HTR2C: variants seen among roughly 807,000 people sequenced by gnomAD.
HTR2C encodes the protein 5-hydroxytryptamine receptor 2C, also known as 5-hydroxytryptamine (serotonin) receptor 2C, G protein-coupled.
HTR2C carries 5 observed loss-of-function variants against 21.0 expected under a neutral mutation model. The observed-to-expected ratio is 0.24, with a 90% CI of 0.12 to 0.50. The LOEUF (loss-of-function observed/expected upper bound fraction) is 0.50. Ranked by LOEUF, HTR2C falls within the 20% of genes least tolerant of loss-of-function variation. The probability of loss-of-function intolerance (pLI) is 0.98; values close to 1 mark genes in which losing one functional copy is unlikely to be tolerated. For missense variants in HTR2C, 271 were observed against 371.2 expected (o/e 0.73, Z 2.22); for synonymous variants, 150 against 145.3 (o/e 1.03, Z -0.23).
At chrX:114,798,616 AG>A (rs1287221495) in intron 4 of HTR2C, among the ~76,000 whole-genome samples, 1 of 111,563 alleles carries the variant, frequency 9.0e-6, no homozygotes, top group Non-Finnish European at 1.9e-5. Flanking sequence ...GGCCAGAAGT[AG>A]GTTGCCTACA....
chrX:114,835,693 T>C (rs1170577277), intron 4 of HTR2C, among the ~76,000 whole-genome samples: 1 of 112,255 alleles, frequency 8.9e-6, no homozygotes, highest in Non-Finnish European at 1.9e-5. Flanking sequence ...TCTGAAGCCT[T>C]CTTCTCTCAG....
At chrX:114,633,127 CATT>C (rs1338771721) in intron 2 of HTR2C, among the ~76,000 whole-genome samples, 1 of 111,116 alleles carries the variant, frequency 9.0e-6, no homozygotes, top group East Asian at 2.8e-4. Flanking sequence ...AATCTGTCAA[CATT>C]ATGTCTTTTT....
intron 4 of HTR2C, among the ~76,000 whole-genome samples, chrX:114,829,096 C>T (rs1213067023): frequency 2.7e-5 from 3 of 111,271 alleles, no homozygotes; most frequent in East Asian, 2.8e-4. Flanking sequence ...ATGGTAATTC[C>T]GTGTTTGGCT....
At chrX:114,844,855 C>A (rs2070862043) in intron 4 of HTR2C, among the ~76,000 whole-genome samples, 1 of 111,132 alleles carries the variant, frequency 9.0e-6, no homozygotes, top group South Asian at 3.7e-4. Context: ...CAGAGCCCAA[C>A]AATTATACGA....
At chrX:114,838,449 G>A (rs1341575748) in intron 4 of HTR2C, among the ~76,000 whole-genome samples, 3 of 111,681 alleles carry the variant, frequency 2.7e-5, no homozygotes, top group Non-Finnish European at 5.7e-5. Context: ...TTTCTCAAAG[G>A]CAAAAATTGT....
chrX:114,620,878 AT>A (rs1187675287), intron 2 of HTR2C, among the ~76,000 whole-genome samples: 18 of 106,425 alleles, frequency 1.7e-4, no homozygotes, highest in Middle Eastern at 4.7e-3. Context: ...TGAGTTCTGC[AT>A]TTTTTTTTTC....
intron 4 of HTR2C, among the ~76,000 whole-genome samples, chrX:114,807,339 G>A (rs111213587): frequency 0.53 from 4,335 of 8,174 alleles, 1,710 homozygotes; most frequent in East Asian, 0.95. Context: ...TATACACCAT[G>A]TATCTATACC....
At chrX:114,611,260 T>C (rs1489225599) in intron 1 of HTR2C, among the ~76,000 whole-genome samples, 1 of 112,244 alleles carries the variant, frequency 8.9e-6, no homozygotes, top group African/African-American at 3.2e-5. Context: ...CACAACATTT[T>C]CATTCCCTCC....
At chrX:114,717,560 G>T (rs1933029551) in intron 2 of HTR2C, 1 of 110,967 alleles carries the variant, frequency 9.0e-6, no homozygotes, top group African/African-American at 3.3e-5. Context: ...TTTTTTTTAA[G>T]ACTCATCAAT....
intron 5 of HTR2C, among the ~76,000 whole-genome samples, chrX:114,875,269 CAT>C (rs782183434): frequency 8.9e-6 from 1 of 111,874 alleles, no homozygotes; most frequent in South Asian, 3.7e-4. Flanking sequence ...AGGATTCCAA[CAT>C]GTGAATTTGA....
At chrX:114,900,494 T>A (rs2071329651) in intron 5 of HTR2C, 1 of 123,956 alleles carries the variant, frequency 8.1e-6, no homozygotes, top group Admixed American at 9.0e-5. Context: ...AGGAGGATAG[T>A]CTGAGATACT....
At chrX:114,629,658 ATGTTT>A (rs1327946777) in intron 2 of HTR2C, among the ~76,000 whole-genome samples, 24 of 110,147 alleles carry the variant, frequency 2.2e-4, no homozygotes, top group African/African-American at 5.5e-4. Flanking sequence ...TCTGTATATG[ATGTTT>A]TGTTTTAATT....
chrX:114,707,199 A>G (rs921287461), intron 2 of HTR2C, among the ~76,000 whole-genome samples: 1 of 111,337 alleles, frequency 9.0e-6, no homozygotes, highest in Non-Finnish European at 1.9e-5. Context: ...GTCTGCTTAG[A>G]AAATGGTAAA....
At chrX:114,799,162 A>C (rs927754529) in intron 4 of HTR2C, among the ~76,000 whole-genome samples, 2 of 111,067 alleles carry the variant, frequency 1.8e-5, no homozygotes, top group Admixed American at 9.7e-5. Flanking sequence ...GAGAGGCTTT[A>C]TTGAGACATT....
chrX:114,885,838 G>T (rs1458035294), intron 5 of HTR2C, among the ~76,000 whole-genome samples: 1 of 111,345 alleles, frequency 9.0e-6, no homozygotes, highest in Non-Finnish European at 1.9e-5. Context: ...TTCTGTTGTT[G>T]AGTAGATTGA....
intron 3 of HTR2C, among the ~76,000 whole-genome samples, chrX:114,727,563 T>C: frequency 8.9e-6 from 1 of 112,063 alleles, no homozygotes; most frequent in Middle Eastern, 4.7e-3. Flanking sequence ...ACCTTCTTTT[T>C]ACATAGAAAA....
At chrX:114,886,146 A>G (rs2071218766) in intron 5 of HTR2C, among the ~76,000 whole-genome samples, 1 of 110,900 alleles carries the variant, frequency 9.0e-6, no homozygotes, top group Non-Finnish European at 1.9e-5. Flanking sequence ...ATTTTGTTAG[A>G]TATTAATTAG....
chrX:114,683,475 C>T (rs868915339), intron 2 of HTR2C, among the ~76,000 whole-genome samples: 11 of 110,363 alleles, frequency 1.0e-4, no homozygotes, highest in Non-Finnish European at 2.1e-4. Context: ...ATCCATAAAA[C>T]TTAGGTATTG....
chrX:114,837,298 A>G (rs1556464391), intron 4 of HTR2C, among the ~76,000 whole-genome samples: 1 of 112,150 alleles, frequency 8.9e-6, no homozygotes, highest in East Asian at 2.8e-4. Context: ...TATCACAAGT[A>G]AATACATTTG....
Sources: gnomAD v4.1 joint callset for allele counts (sites outside exome capture counted in the v4.1 genomes callset) on GRCh38, gnomAD v4.1.1 for gene constraint, MANE v1.5 for transcripts, NCBI Gene and HGNC (gene_info 2026-07-23, HGNC 2026-07-21) for gene names.